The following UTP14A variants were observed in gnomAD, a reference collection of about 807,000 sequenced individuals.
UTP14A encodes UTP14A small subunit processome component.
Under a neutral mutation model 57.2 loss-of-function variants are expected in UTP14A, and 5 were observed. The ratio of observed to expected loss-of-function variants is 0.09; its 90% CI spans 0.05 to 0.18. The LOEUF (loss-of-function observed/expected upper bound fraction) is 0.18, where lower values mean the gene tolerates loss of function less well. UTP14A is among the 10% of genes least tolerant of loss of function. The pLI is 1.00. For synonymous variants in UTP14A, 169 were observed against 210.9 expected, an observed-to-expected ratio of 0.80 and a Z score of 1.72; for missense variants, 430 against 562.1, an observed-to-expected ratio of 0.76 and a Z score of 2.38.
intron 1 of UTP14A, 21 bp downstream of exon 1, chrX:129,906,257 G>T: frequency 1.7e-6 from 2 of 1,195,213 alleles, no homozygotes; most frequent in Non-Finnish European, 1.1e-6. Flanking sequence ...ACGAGGGGAG[G>T]GGGGATTCTG....
intron 6 of UTP14A, chrX:129,913,527 G>C: frequency 3.6e-6 from 1 of 275,997 alleles, no homozygotes; most frequent in Non-Finnish European, 7.1e-6. Context: ...GCATAAGTTT[G>C]CTGTTGTTGT....
chrX:129,928,417 A>G (rs904015372), intron 14 of UTP14A, among the ~76,000 whole-genome samples: 1 of 101,234 alleles, frequency 9.9e-6, no homozygotes, highest in African/African-American at 3.6e-5. Flanking sequence ...AAAAGATGAA[A>G]CTAAGTGTAA....
intron 2 of UTP14A, among the ~76,000 whole-genome samples, chrX:129,907,757 C>T (rs1163172446): frequency 1.8e-5 from 2 of 111,252 alleles, no homozygotes; most frequent in Non-Finnish European, 3.8e-5. Flanking sequence ...GAGATTGAGA[C>T]CATCCTGGCT....
chrX:129,919,077 CAAT>C, intron 6 of UTP14A, 95 bp from the exon 7 acceptor site: 3 of 1,149,749 alleles, frequency 2.6e-6, no homozygotes, highest in Non-Finnish European at 3.5e-6. Context: ...CTTATGATTC[CAAT>C]TATAGTGTCA....
chrX:129,924,708 G>A, intron 11 of UTP14A, 87 bp from the exon 12 acceptor site: 1 of 1,081,134 alleles, frequency 9.2e-7, no homozygotes, highest in East Asian at 3.0e-5. Flanking sequence ...GTGGTACCTA[G>A]CACTTGGTGG....
chrX:129,928,283 G>A (rs1930178787), intron 14 of UTP14A, among the ~76,000 whole-genome samples: 1 of 105,886 alleles, frequency 9.4e-6, no homozygotes, highest in African/African-American at 3.5e-5. Context: ...TACTAGGGAG[G>A]CTGAGGCAGG....
chrX:129,922,913 C>A (rs1929970646), intron 11 of UTP14A: 1 of 111,309 alleles, frequency 9.0e-6, no homozygotes, highest in African/African-American at 3.3e-5. Flanking sequence ...TGGGGGTGTA[C>A]ATATATGACC....
In UTP14A at chrX:129,923,728, G is replaced by A. The variant is rs140936566; in HGVS notation, c.1349-1067G>A. Among the ~76,000 whole-genome samples, 580 of 111,640 alleles carry A rather than the reference G, an allele frequency of 5.2e-3. 1 individual carries two copies. Among genetic ancestry groups the A allele is most frequent in the African/African-American group, 0.016 (500 of 30,772 alleles). On this transcript the variant is annotated intron_variant, in intron 11 of 14. Coordinates refer to ENST00000394422, the MANE Select transcript of UTP14A (RefSeq NM_006649.4). ...TTTAAGATATGGAGTAGAAATTCTT[G>A]AGTCAAGATGAAAATCCTGGATAGG...
intron 6 of UTP14A, 94 bp downstream of exon 6, chrX:129,912,015 C>T (rs1929491762): frequency 1.1e-5 from 12 of 1,065,022 alleles, no homozygotes; most frequent in African/African-American, 1.9e-5. Flanking sequence ...TAAGCTAAAC[C>T]CCAGCATAAG....
intron 6 of UTP14A, among the ~76,000 whole-genome samples, chrX:129,914,018 A>G (rs1263370105): frequency 9.0e-6 from 1 of 111,446 alleles, no homozygotes; most frequent in African/African-American, 3.3e-5. Flanking sequence ...TAAAAACTAG[A>G]TGGTAGTGGA....
At chrX:129,910,869 G>T in intron 4 of UTP14A, 139 bp from the exon 5 acceptor site, 4 of 781,728 alleles carry the variant, frequency 5.1e-6, no homozygotes, top group Non-Finnish European at 7.4e-6. Context: ...CTAGAAATAG[G>T]CAATTGAAGT....
chrX:129,924,701 G>A (rs138846841), intron 11 of UTP14A, 94 bp from the exon 12 acceptor site: 1 of 1,038,293 alleles, frequency 9.6e-7, no homozygotes, highest in Admixed American at 3.0e-5. Flanking sequence ...GTCTTATGTG[G>A]TACCTAGCAC....
At chrX:129,909,859 TA>T (rs1929400182) in intron 4 of UTP14A, among the ~76,000 whole-genome samples, 2 of 112,125 alleles carry the variant, frequency 1.8e-5, no homozygotes, top group Non-Finnish European at 3.8e-5. Flanking sequence ...CTAGGGCAAA[TA>T]ACAATGTATT....
intron 4 of UTP14A, 70 bp downstream of exon 4, chrX:129,908,804 C>G (rs1041920389): frequency 9.9e-7 from 1 of 1,005,386 alleles, no homozygotes; most frequent in Non-Finnish European, 1.4e-6. Context: ...GTTCACCTCA[C>G]CCCCCCTAGG....
At chrX:129,921,795 C>T (rs903175760) in intron 11 of UTP14A, 7 of 411,739 alleles carry the variant, frequency 1.7e-5, no homozygotes, top group Non-Finnish European at 2.7e-5. Context: ...TCTGCATGGC[C>T]GTGCAACGTG....
chrX:129,908,027 CA>C, intron 2 of UTP14A, 32 bp from the exon 3 acceptor site: 1 of 1,141,738 alleles, frequency 8.8e-7, no homozygotes, highest in Non-Finnish European at 1.2e-6. Flanking sequence ...CCCTCCCCCT[CA>C]TCCTGATTGT....
intron 14 of UTP14A, 132 bp from the exon 15 acceptor site, chrX:129,929,204 C>A: frequency 1.2e-6 from 1 of 823,449 alleles, no homozygotes; most frequent in Non-Finnish European, 1.7e-6. Context: ...CTTGACCTCT[C>A]AGTCTCTTCA....
chrX:129,907,904 C>T (rs1929312354), intron 2 of UTP14A, among the ~76,000 whole-genome samples, 156 bp from the exon 3 acceptor site: 1 of 111,706 alleles, frequency 9.0e-6, no homozygotes, highest in South Asian at 3.7e-4. Context: ...TGCAGTGAGC[C>T]AAGATAACAC....
At chrX:129,909,458 C>T (rs899031312) in intron 4 of UTP14A, among the ~76,000 whole-genome samples, 2 of 111,053 alleles carry the variant, frequency 1.8e-5, no homozygotes, top group South Asian at 3.8e-4. Context: ...ATCCACCCGC[C>T]GCAGCCTCTC....
Sources: gnomAD v4.1 joint callset for allele counts (sites outside exome capture counted in the v4.1 genomes callset) on GRCh38, gnomAD v4.1.1 for gene constraint, MANE v1.5 for transcripts, NCBI Gene and HGNC (gene_info 2026-07-23, HGNC 2026-07-21) for gene names.